Variants in NXN observed in about 807,000 individuals in gnomAD.
The protein encoded by NXN is nucleoredoxin.
NXN carries 16 observed loss-of-function variants against 48.6 expected under a neutral mutation model. That is an observed-to-expected ratio of 0.33 (90% CI 0.22 to 0.50). The LOEUF (loss-of-function observed/expected upper bound fraction) is 0.50. Ranked by LOEUF, NXN falls within the 20% of genes least tolerant of loss-of-function variation. The pLI is 0.98. For missense variants in NXN, 492 were observed against 605.5 expected (o/e 0.81, Z 1.97); for synonymous variants, 281 against 269.6 (o/e 1.04, Z -0.41).
rs62067127 is a variant in NXN, at chr17:841,497, C to T, written c.361-15419G>A. The stretch of plus-strand genomic sequence containing the variant: ...GCGAGCAGGTCCCCCCTGACCACGG[C>T]GCATCTCACACGGGCGAGCAGGTCC... On this transcript the variant is annotated intron_variant, in intron 1 of 7. Coordinates refer to ENST00000336868, the MANE Select transcript of NXN (RefSeq NM_022463.5). Among the ~76,000 whole-genome samples the T allele has an allele frequency of 1.4e-3, 34 of 24,044 alleles. 1 individual carries two copies. Among genetic ancestry groups the T allele is most frequent in the African/African-American group, 5.4e-3 (29 of 5,342 alleles). 15.8% of individuals were successfully genotyped at this position (24,044 alleles called of 152,430 possible).
chr17:874,056 GTGGA>G (rs57925942), intron 1 of NXN, among the ~76,000 whole-genome samples: 13,525 of 152,152 alleles, frequency 0.089, 607 homozygotes, highest in Middle Eastern at 0.15. Context: ...GAGGGACCTG[GTGGA>G]TGGTCATTGA....
At chr17:946,451 G>A (rs1385519120) in intron 1 of NXN, among the ~76,000 whole-genome samples, 2 of 152,230 alleles carry the variant, frequency 1.3e-5, no homozygotes, top group Admixed American at 6.5e-5. Context: ...ACAGGCGTGA[G>A]CCACCACACC....
intron 1 of NXN, among the ~76,000 whole-genome samples, chr17:946,519 C>T (rs2069045627): frequency 6.6e-6 from 1 of 152,198 alleles, no homozygotes; most frequent in African/African-American, 2.4e-5. Context: ...CCTCAACTCT[C>T]CCTCTTGCAA....
At chr17:903,286 A>G (rs945222698) in intron 1 of NXN, among the ~76,000 whole-genome samples, 2 of 151,482 alleles carry the variant, frequency 1.3e-5, no homozygotes, top group Non-Finnish European at 2.9e-5. Flanking sequence ...GCTCACTGCA[A>G]CCTCCTCTTC....
chr17:935,773 C>T (rs185326776), intron 1 of NXN, among the ~76,000 whole-genome samples: 20 of 152,132 alleles, frequency 1.3e-4, no homozygotes, highest in Non-Finnish European at 2.4e-4. Flanking sequence ...AGATACCATG[C>T]CAGCCACATC....
At chr17:842,588 C>G (rs1288997115) in intron 1 of NXN, 21 of 985,152 alleles carry the variant, frequency 2.1e-5, no homozygotes, top group Non-Finnish European at 2.4e-5. Context: ...CCCGTCTCCT[C>G]CTCCTTCCAG....
chr17:945,150 C>T (rs537753521), intron 1 of NXN, among the ~76,000 whole-genome samples: 5 of 152,092 alleles, frequency 3.3e-5, no homozygotes, highest in East Asian at 3.9e-4. Context: ...GGCACAGTCT[C>T]GGCTCACTGT....
intron 1 of NXN, among the ~76,000 whole-genome samples, chr17:959,537 C>T (rs1392804362): frequency 1.3e-5 from 2 of 152,008 alleles, no homozygotes; most frequent in African/African-American, 4.8e-5. Flanking sequence ...TGGCTCACAC[C>T]TGTAATCCCA....
At chr17:876,137 G>A (rs572099129) in intron 1 of NXN, among the ~76,000 whole-genome samples, 7 of 151,236 alleles carry the variant, frequency 4.6e-5, no homozygotes, top group East Asian at 1.9e-4. Context: ...TGCCAAGACC[G>A]TGCCACTGCA....
In NXN at chr17:807,008, T is replaced by C. The variant is rs1315910123; in HGVS notation, c.821-1761A>G. 9.9e-5 allele frequency among the ~76,000 whole-genome samples: 15 copies of C among 152,158 alleles called. No homozygotes were observed. In the East Asian group the frequency reaches 2.9e-3, roughly 29 times the overall value. ...TGGGGATTTTCGGGTGTGCTCAGCG[T>C]GGACAGTGCCCGAGGAGCTGTGTGT... is the stretch of plus-strand genomic sequence containing the variant. On this transcript the variant is annotated intron_variant, in intron 5 of 7. Transcript: ENST00000336868.
intron 1 of NXN, chr17:907,809 GGAT>G (rs2068595541): frequency 1.3e-5 from 2 of 152,112 alleles, no homozygotes; most frequent in South Asian, 4.1e-4. Context: ...AAAATATAAT[GGAT>G]GGCAGAAAAC....
intron 6 of NXN, 45 bp downstream of exon 6, chr17:805,023 C>CCCCCCCCCCCCACCCCA: frequency 4.6e-6 from 7 of 1,505,604 alleles, no homozygotes; most frequent in East Asian, 2.5e-5. Context: ...CCTCCTGTCC[C>CCCCCCCCCCCCACCCCA]GCCCCCCAGC....
At chr17:814,595 G>A (rs571453040) in intron 5 of NXN, among the ~76,000 whole-genome samples, 180 of 152,306 alleles carry the variant, frequency 1.2e-3, no homozygotes, top group Non-Finnish European at 2.0e-3. Context: ...TCGTGAAGAC[G>A]TCATCACACT....
intron 1 of NXN, among the ~76,000 whole-genome samples, chr17:895,704 G>A (rs2068474811): frequency 6.6e-6 from 1 of 150,818 alleles, no homozygotes; most frequent in East Asian, 2.0e-4. Context: ...TGTAGTCCCA[G>A]CTACTCGGGA....
chr17:817,714 C>T (rs921943837), intron 5 of NXN, among the ~76,000 whole-genome samples: 18 of 151,014 alleles, frequency 1.2e-4, no homozygotes, highest in African/African-American at 2.9e-4. Context: ...GCCCCTCAGG[C>T]GCAGAACTTC....
intron 1 of NXN, among the ~76,000 whole-genome samples, chr17:962,259 C>T (rs333635): frequency 0.16 from 24,717 of 152,164 alleles, 5,034 homozygotes; most frequent in African/African-American, 0.47. Context: ...TCCTGAGACA[C>T]TGCAGGTGAA....
chr17:831,442 C>T (rs1219576531), intron 1 of NXN, among the ~76,000 whole-genome samples: 9 of 137,188 alleles, frequency 6.6e-5, no homozygotes, highest in South Asian at 2.5e-4. Flanking sequence ...TACTGAGGGC[C>T]GACTTTATTT....
chr17:937,064 C>G (rs1296705443), intron 1 of NXN, among the ~76,000 whole-genome samples: 1 of 151,906 alleles, frequency 6.6e-6, no homozygotes, highest in Non-Finnish European at 1.5e-5. Flanking sequence ...TTTACTGCAG[C>G]CTTTGCCTCC....
chr17:884,195 T>G (rs2068317270), intron 1 of NXN, among the ~76,000 whole-genome samples: 1 of 151,544 alleles, frequency 6.6e-6, no homozygotes, highest in African/African-American at 2.4e-5. Flanking sequence ...CACTCCAGCC[T>G]GGGGGACTGA....
Sources: gnomAD v4.1 joint callset for allele counts (sites outside exome capture counted in the v4.1 genomes callset) on GRCh38, gnomAD v4.1.1 for gene constraint, MANE v1.5 for transcripts, NCBI Gene and HGNC (gene_info 2026-07-23, HGNC 2026-07-21) for gene names.